CDHR2: variants seen among roughly 807,000 people sequenced by gnomAD.
The protein encoded by CDHR2 is cadherin-related family member 2.
Under a neutral mutation model 138.6 loss-of-function variants are expected in CDHR2, and 104 were observed. That is an observed-to-expected ratio of 0.75 (90% CI 0.64 to 0.88). The LOEUF is 0.88. Among genes scored for constraint, CDHR2 ranks in the 40% least tolerant of loss-of-function variants. The probability of loss-of-function intolerance (pLI) is 0.00; values close to 1 mark genes in which losing one functional copy is unlikely to be tolerated. For missense variants in CDHR2, 1,624 were observed against 1,727.6 expected, an observed-to-expected ratio of 0.94 and a Z score of 1.06; for synonymous variants, 755 against 742.8, an observed-to-expected ratio of 1.02 and a Z score of -0.27.
chr5:176,589,544 A>G lies in CDHR2; in HGVS notation c.3134A>G (p.Gln1045Arg). ...TTTLNLFTVD[Q>R]SYRSRLQFST... ...CCTTCCCAGCTCTTCACCGTGGACC[A>G]GAGTTACCGCTCGCGGCTGCAGTTC... The change falls in exon 24 of 32, where the codon CAG becomes CGG. Residue 1045 changes from glutamine (Q) to arginine (R), a missense_variant. Physicochemically the swap from Gln to Arg is conservative, Grantham distance 43. Coordinates refer to ENST00000261944, the MANE Select transcript of CDHR2 (RefSeq NM_017675.6). 1 of 1,614,024 alleles carries G rather than the reference A, an allele frequency of 6.2e-7. No homozygotes were observed. Among genetic ancestry groups the G allele is most frequent in the Non-Finnish European group, 8.5e-7 (1 of 1,179,988 alleles).
chr5:176,580,152 A>ACACACT (rs1758494151), intron 16 of CDHR2, among the ~76,000 whole-genome samples: 1 of 149,086 alleles, frequency 6.7e-6, no homozygotes, highest in South Asian at 2.1e-4. Context: ...GCACTCACAC[A>ACACACT]CACACTCACA....
intron 1 of CDHR2, among the ~76,000 whole-genome samples, chr5:176,558,000 C>G (rs1344642733): frequency 6.6e-6 from 1 of 152,076 alleles, no homozygotes; most frequent in Non-Finnish European, 1.5e-5. Flanking sequence ...GCCACCGAGC[C>G]TGGCCTATCT....
rs747624403 is a variant in CDHR2, at chr5:176,584,798, T to C, written c.2517T>C (p.Ser839=). The change falls in exon 19 of 32, where the codon AGT becomes AGC. Residue 839 remains serine (S), a synonymous_variant. Coordinates refer to ENST00000261944, the MANE Select transcript of CDHR2 (RefSeq NM_017675.6). ...TGGTTGCCTCGGATGTGGACACCAG[T>C]GCCCAGCTGGAGATACAGCTTGTGA... ...AVVVASDVDT[S]AQLEIQLVNI... 4 of 1,614,162 alleles carry C rather than the reference T, an allele frequency of 2.5e-6. No homozygotes were observed. In the South Asian group the frequency reaches 4.4e-5, roughly 18 times the overall value.
rs1452400975 is a variant in CDHR2, at chr5:176,586,858, C to T, written c.2856+16C>T. ...TTCTGTCCGGGTAAGTTCTTGGCTC[C>T]AGCCTTTGTTGGTCATATGAGCCCC... On this transcript the variant is annotated intron_variant, in intron 21 of 31. Transcript: ENST00000261944. 2.5e-6 allele frequency: 4 copies of T among 1,604,498 alleles called. No homozygotes were observed. The highest frequency in any genetic ancestry group is 3.4e-5 in the Admixed American group (2 of 58,788).
rs559875492 is a variant in CDHR2, at chr5:176,580,002, C to T, written c.1819-1341C>T. Among the ~76,000 whole-genome samples the T allele has an allele frequency of 4.9e-3, 740 of 152,268 alleles. 6 individuals carry two copies. Among genetic ancestry groups the T allele is most frequent in the Non-Finnish European group, 8.2e-3 (555 of 68,022 alleles). Reference sequence around the variant, plus strand: ...TGTGGGAGGCATCGGGGTGAGGGAACGGAACCTGCAAAGGCCTGGCGGCAC... The same window carrying T: ...TGTGGGAGGCATCGGGGTGAGGGAATGGAACCTGCAAAGGCCTGGCGGCAC... On this transcript the variant is annotated intron_variant, in intron 16 of 31. Coordinates refer to ENST00000261944, the MANE Select transcript of CDHR2 (RefSeq NM_017675.6).
At chr5:176,588,420 A>AGT (rs10577284) in intron 21 of CDHR2, among the ~76,000 whole-genome samples, 2 of 146,952 alleles carry the variant, frequency 1.4e-5, no homozygotes, top group African/African-American at 2.6e-5. Context: ...TGAGGGTGTG[A>AGT]GTGTGTGTGT....
chr5:176,584,479 G>C lies in CDHR2; in HGVS notation c.2198G>C (p.Ser733Thr), dbSNP rs781609059. The C allele has an allele frequency of 6.2e-7, 1 of 1,612,320 alleles. No homozygotes were observed. Among genetic ancestry groups the C allele is most frequent in the East Asian group, 2.2e-5 (1 of 44,860 alleles). The change falls in exon 19 of 32, where the codon AGC (serine) becomes ACC (threonine). Residue 733 changes from serine (S) to threonine (T), a missense_variant. This residue lies in a region of CDHR2 where 1,061 missense variants were observed against 1,136.6 expected (regional missense o/e 0.93). Transcript: ENST00000261944. ...GAAGCCAACAACCGCATCAGCTTCA[G>C]CCTGTCGGGGAGTGGTGCCAACTAC... ...QTEANNRISF[S>T]LSGSGANYFM...
In CDHR2 at chr5:176,584,274, G is replaced by A. The variant is rs778973640; in HGVS notation, c.2128+15G>A. ...GGAGGATCCAGGTATGTGCTCCCTGGGCCAGGAGAGACACTGCGGCTGGGA... is the reference window on the plus strand; with the variant it reads ...GGAGGATCCAGGTATGTGCTCCCTGAGCCAGGAGAGACACTGCGGCTGGGA... On this transcript the variant is annotated intron_variant, in intron 18 of 31. Transcript: ENST00000261944. 5 of 1,613,674 alleles carry A rather than the reference G, an allele frequency of 3.1e-6. No individual in the cohort carries two copies. In the South Asian group the frequency reaches 5.5e-5, roughly 18 times the overall value.
chr5:176,562,675 G>A (rs1757991965), intron 1 of CDHR2, among the ~76,000 whole-genome samples: 1 of 152,078 alleles, frequency 6.6e-6, no homozygotes, highest in Admixed American at 6.5e-5. Context: ...AAAGAGAGGG[G>A]ACCATGTGCA....
chr5:176,588,661 G>A (rs1758751771), intron 21 of CDHR2, among the ~76,000 whole-genome samples: 2 of 150,004 alleles, frequency 1.3e-5, no homozygotes, highest in Non-Finnish European at 1.5e-5. Context: ...GACAGTGTGT[G>A]AGAGTGTGTG....
chr5:176,573,943 CGCAGCCCTGGT>C (rs1264535693), intron 6 of CDHR2, 129 bp from the exon 7 acceptor site: 32 of 641,456 alleles, frequency 5.0e-5, no homozygotes, highest in Non-Finnish European at 8.3e-5. Context: ...GCCTTCCACC[CGCAGCCCTGGT>C]GGGAAGGACA....
chr5:176,574,117 T>C lies in CDHR2; in HGVS notation c.440T>C (p.Leu147Pro). Residue 147 changes from leucine to proline, a missense_variant, in exon 7 of 32, where the codon CTG becomes CCG. Physicochemically the swap from Leu to Pro is moderately conservative, Grantham distance 98. This residue lies in a region of CDHR2 where 1,061 missense variants were observed against 1,136.6 expected (regional missense o/e 0.93). Coordinates refer to ENST00000261944, the MANE Select transcript of CDHR2 (RefSeq NM_017675.6). Reference sequence around the variant, plus strand: ...GTGGGCAGTGTGGTGTTCTCCGTGCTGGCCGTGGATAAAGACATGGGGTCT... The same window carrying C: ...GTGGGCAGTGTGGTGTTCTCCGTGCCGGCCGTGGATAAAGACATGGGGTCT... ...LPVGSVVFSV[L>P]AVDKDMGSAG... 2 of 1,614,110 alleles carry C rather than the reference T, an allele frequency of 1.2e-6. No homozygotes were observed. Among genetic ancestry groups the C allele is most frequent in the Middle Eastern group, 1.6e-4 (1 of 6,062 alleles).
chr5:176,557,249 A>G (rs1757855012), intron 1 of CDHR2, among the ~76,000 whole-genome samples: 1 of 152,016 alleles, frequency 6.6e-6, no homozygotes, highest in Non-Finnish European at 1.5e-5. Context: ...TCTGTCACCC[A>G]GGCTGGAGTG....
At chr5:176,569,751 G>A (rs1350732871) in intron 5 of CDHR2, among the ~76,000 whole-genome samples, 1 of 151,990 alleles carries the variant, frequency 6.6e-6, no homozygotes, top group Non-Finnish European at 1.5e-5. Flanking sequence ...CTGAGGTCAG[G>A]GGTTCAAGAC....
At chr5:176,570,358 A>G (rs1758195731) in intron 5 of CDHR2, among the ~76,000 whole-genome samples, 1 of 152,066 alleles carries the variant, frequency 6.6e-6, no homozygotes, top group African/African-American at 2.4e-5. Flanking sequence ...TTTTTATTTT[A>G]TCTTTTTGAG....
chr5:176,544,310 A>G (rs1201502623), intron 1 of CDHR2, among the ~76,000 whole-genome samples: 2 of 150,698 alleles, frequency 1.3e-5, no homozygotes, highest in Non-Finnish European at 3.0e-5. Flanking sequence ...ATGGGTCCCC[A>G]ATTTCTTTCT....
In CDHR2 at chr5:176,595,683, C is replaced by T. The variant is rs1260494707; in HGVS notation, c.*11C>T. The T allele has an allele frequency of 2.5e-6, 4 of 1,575,684 alleles. No homozygotes were observed. The Admixed American group carries it at 7.2e-5, about 28-fold the overall frequency. Reference sequence around the variant, plus strand: ...ACCACGGACCTGTGACAGGGGCCCCCACTCTTCTGGACCCCTTGAAGAGGC... The same window carrying T: ...ACCACGGACCTGTGACAGGGGCCCCTACTCTTCTGGACCCCTTGAAGAGGC... On this transcript the variant is annotated 3_prime_UTR_variant, in exon 32 of 32. Coordinates refer to ENST00000261944, the MANE Select transcript of CDHR2 (RefSeq NM_017675.6).
chr5:176,584,267 C>T lies in CDHR2; in HGVS notation c.2128+8C>T, dbSNP rs749553459. 6.2e-7 allele frequency: 1 copy of T among 1,613,290 alleles called. No individual in the cohort carries two copies. Among genetic ancestry groups the T allele is most frequent in the South Asian group, 1.1e-5 (1 of 91,054 alleles). On this transcript the variant is annotated splice_region_variant and intron_variant, in intron 18 of 31. Coordinates refer to ENST00000261944, the MANE Select transcript of CDHR2 (RefSeq NM_017675.6). The stretch of plus-strand genomic sequence containing the variant: ...TGAAGGAGGAGGATCCAGGTATGTG[C>T]TCCCTGGGCCAGGAGAGACACTGCG...
chr5:176,551,998 C>G (rs1757717187), intron 1 of CDHR2, among the ~76,000 whole-genome samples: 1 of 152,132 alleles, frequency 6.6e-6, no homozygotes, highest in Non-Finnish European at 1.5e-5. Flanking sequence ...GCGTGAGTCA[C>G]CGCGCCCGGT....
Sources: gnomAD v4.1 joint callset for allele counts (sites outside exome capture counted in the v4.1 genomes callset) on GRCh38, gnomAD v4.1.1 for gene constraint, gnomAD v4.1.1 regional missense constraint, MANE v1.5 for transcripts, NCBI Gene and HGNC (gene_info 2026-07-23, HGNC 2026-07-21) for gene names.